Variants in KCNG3 observed in about 807,000 individuals in gnomAD.
KCNG3 encodes the protein potassium voltage-gated channel modifier subfamily G member 3.
In KCNG3, 15 loss-of-function variants were observed where a neutral mutation model predicts 29.0. That is an observed-to-expected ratio of 0.52 (90% confidence interval 0.35 to 0.80). The LOEUF is 0.80. KCNG3 is among the 30% of genes least tolerant of loss of function. KCNG3 has a pLI of 0.01. For synonymous variants in KCNG3, 322 were observed against 248.9 expected (o/e 1.29, Z -2.76); for missense variants, 512 against 605.7 (o/e 0.85, Z 1.62).
chr2:42,397,156 A>G, the KCNG3 span, among the ~76,000 whole-genome samples: 1 of 152,068 alleles, frequency 6.6e-6, no homozygotes, highest in Non-Finnish European at 1.5e-5. Flanking sequence ...GAGGCAGGAA[A>G]ATCGCTTAAA....
At chr2:42,451,071 G>A (rs1267701155) in intron 1 of KCNG3, among the ~76,000 whole-genome samples, 2 of 151,624 alleles carry the variant, frequency 1.3e-5, no homozygotes, top group Non-Finnish European at 1.5e-5. Flanking sequence ...TGGGCATGGT[G>A]GCAGGCGCCT....
At chr2:42,424,330 G>C in the KCNG3 span, among the ~76,000 whole-genome samples, 1 of 151,896 alleles carries the variant, frequency 6.6e-6, no homozygotes, top group Non-Finnish European at 1.5e-5. Context: ...ACAGGGGACA[G>C]AGATGATGGG....
chr2:42,432,407 G>A, the KCNG3 span, among the ~76,000 whole-genome samples: 1 of 152,226 alleles, frequency 6.6e-6, no homozygotes, highest in African/African-American at 2.4e-5. Context: ...GGGAAATCCA[G>A]TTCCCGGAAA....
At chr2:42,419,057 A>G in the KCNG3 span, among the ~76,000 whole-genome samples, 5 of 151,928 alleles carry the variant, frequency 3.3e-5, no homozygotes, top group Non-Finnish European at 7.4e-5. Flanking sequence ...GCCTCATTTC[A>G]GTAGTAAAAT....
chr2:42,468,081 C>A (rs1673189171), intron 1 of KCNG3, among the ~76,000 whole-genome samples: 1 of 151,560 alleles, frequency 6.6e-6, no homozygotes, highest in Admixed American at 6.6e-5. Flanking sequence ...AAAAATTCTA[C>A]ATAAATTAGC....
the KCNG3 span, among the ~76,000 whole-genome samples, chr2:42,421,539 A>G: frequency 6.6e-6 from 1 of 152,284 alleles, no homozygotes; most frequent in Admixed American, 6.5e-5. Context: ...TTAATGAACA[A>G]GAGTTCTTAT....
At chr2:42,433,416 T>G in the KCNG3 span, among the ~76,000 whole-genome samples, 1 of 151,926 alleles carries the variant, frequency 6.6e-6, no homozygotes, top group African/African-American at 2.4e-5. Flanking sequence ...TCGGGGAAGA[T>G]CTACCATCAA....
chr2:42,472,874 T>G (rs939061108), intron 1 of KCNG3, among the ~76,000 whole-genome samples: 1 of 146,228 alleles, frequency 6.8e-6, no homozygotes, highest in African/African-American at 2.5e-5. Context: ...AATATATATA[T>G]ATAGATCTAT....
At chr2:42,459,887 A>T (rs1203365954) in intron 1 of KCNG3, among the ~76,000 whole-genome samples, 2 of 151,784 alleles carry the variant, frequency 1.3e-5, no homozygotes, top group African/African-American at 2.4e-5. Context: ...GAGGCAGGAG[A>T]ATGGTGTGAA....
chr2:42,454,832 T>A (rs1323372866), intron 1 of KCNG3, among the ~76,000 whole-genome samples: 1 of 152,062 alleles, frequency 6.6e-6, no homozygotes, highest in Non-Finnish European at 1.5e-5. Flanking sequence ...ACATGAGGTA[T>A]CTAAACTAGT....
intron 1 of KCNG3, among the ~76,000 whole-genome samples, chr2:42,458,266 G>A (rs189158340): frequency 5.9e-5 from 9 of 152,146 alleles, no homozygotes; most frequent in East Asian, 5.8e-4. Flanking sequence ...TTATTCCGTC[G>A]GATCTCTTTT....
At chr2:42,491,564 C>A (rs1445369756) in intron 1 of KCNG3, among the ~76,000 whole-genome samples, 1 of 151,846 alleles carries the variant, frequency 6.6e-6, no homozygotes, top group Non-Finnish European at 1.5e-5. Context: ...GTTGGAGAAC[C>A]AAATAAGTAA....
intron 1 of KCNG3, among the ~76,000 whole-genome samples, chr2:42,452,559 T>C (rs901767167): frequency 6.6e-6 from 1 of 152,004 alleles, no homozygotes. Flanking sequence ...ATCCTTCTAC[T>C]CTCTATATTC....
the KCNG3 span, among the ~76,000 whole-genome samples, chr2:42,394,429 A>G: frequency 6.6e-6 from 1 of 152,070 alleles, no homozygotes; most frequent in Non-Finnish European, 1.5e-5. Flanking sequence ...TTCTGCTCTA[A>G]CTTACCTGTA....
At chr2:42,430,388 AAATAAATAAAT>A in the KCNG3 span, among the ~76,000 whole-genome samples, 1 of 151,152 alleles carries the variant, frequency 6.6e-6, no homozygotes, top group Non-Finnish European at 1.5e-5. Flanking sequence ...ATAAATAAAT[AAATAAATAAAT>A]AAATAAATAA....
chr2:42,425,180 A>G, the KCNG3 span: 1 of 151,816 alleles, frequency 6.6e-6, no homozygotes, highest in East Asian at 1.9e-4. Flanking sequence ...GCCACTGTCA[A>G]CGCAAGAATA....
intron 1 of KCNG3, among the ~76,000 whole-genome samples, chr2:42,447,519 CTT>C (rs35956741): frequency 2.6e-4 from 37 of 144,354 alleles, no homozygotes; most frequent in Non-Finnish European, 3.2e-4. Flanking sequence ...AATGAATATT[CTT>C]TTTTTTTTTT....
At chr2:42,475,509 T>C (rs1011506635) in intron 1 of KCNG3, among the ~76,000 whole-genome samples, 7 of 151,868 alleles carry the variant, frequency 4.6e-5, no homozygotes, top group Admixed American at 3.3e-4. Context: ...TTTTATTTTT[T>C]TGTAGACACG....
At chr2:42,435,081 TC>T in the KCNG3 span, among the ~76,000 whole-genome samples, 1 of 152,074 alleles carries the variant, frequency 6.6e-6, no homozygotes, top group African/African-American at 2.4e-5. Flanking sequence ...GGCGGGTGGA[TC>T]ACCTGAGGTC....
Sources: gnomAD v4.1 joint callset for allele counts (sites outside exome capture counted in the v4.1 genomes callset) on GRCh38, gnomAD v4.1.1 for gene constraint, MANE v1.5 for transcripts, NCBI Gene and HGNC (gene_info 2026-07-23, HGNC 2026-07-21) for gene names.